Variants in KCNIP4 observed in about 807,000 individuals in gnomAD.
KCNIP4 encodes Kv channel-interacting protein 4.
A neutral mutation model predicts 34.0 loss-of-function variants in KCNIP4; 12 were observed. The observed-to-expected ratio is 0.35, with a 90% confidence interval of 0.23 to 0.57. The LOEUF is 0.57. Ranked by LOEUF, KCNIP4 falls within the 20% of genes least tolerant of loss-of-function variation. The pLI is 0.83. For missense variants in KCNIP4, 238 were observed against 311.7 expected (o/e 0.76, Z 1.78); for synonymous variants, 124 against 102.2 (o/e 1.21, Z -1.29).
At chr4:21,006,017 A>G (rs1163955798) in intron 1 of KCNIP4, among the ~76,000 whole-genome samples, 1 of 152,204 alleles carries the variant, frequency 6.6e-6, no homozygotes, top group East Asian at 1.9e-4. Flanking sequence ...AGAGCAATAG[A>G]GAGCCTTAAA....
At chr4:21,268,493 T>C (rs1208111156) in intron 1 of KCNIP4, among the ~76,000 whole-genome samples, 1 of 152,152 alleles carries the variant, frequency 6.6e-6, no homozygotes, top group Non-Finnish European at 1.5e-5. Context: ...GCTATTGATG[T>C]TTTCTAAAAT....
chr4:21,309,950 A>T (rs566627040), intron 1 of KCNIP4, among the ~76,000 whole-genome samples: 1 of 152,322 alleles, frequency 6.6e-6, no homozygotes, highest in Non-Finnish European at 1.5e-5. Context: ...TACTATGTAG[A>T]TACTAGGTGG....
intron 1 of KCNIP4, among the ~76,000 whole-genome samples, chr4:21,641,777 A>G (rs944717954): frequency 2.0e-5 from 3 of 152,198 alleles, no homozygotes; most frequent in Non-Finnish European, 4.4e-5. Context: ...CAAAGTGGAC[A>G]TTGTAGCAGG....
chr4:20,756,840 C>T (rs938138440), intron 4 of KCNIP4, among the ~76,000 whole-genome samples: 1 of 151,980 alleles, frequency 6.6e-6, no homozygotes, highest in African/African-American at 2.4e-5. Context: ...CTTTGTTGAT[C>T]CCTTTTCCTT....
At chr4:20,918,192 G>A (rs903999732) in intron 1 of KCNIP4, among the ~76,000 whole-genome samples, 4 of 151,840 alleles carry the variant, frequency 2.6e-5, no homozygotes, top group African/African-American at 7.3e-5. Context: ...CTGCTAAACC[G>A]TCAAGCAGAT....
intron 1 of KCNIP4, among the ~76,000 whole-genome samples, chr4:21,940,584 G>A (rs1370923087): frequency 3.9e-5 from 6 of 151,996 alleles, no homozygotes; most frequent in Non-Finnish European, 8.8e-5. Flanking sequence ...ATACTAAGTA[G>A]TTTCTTTGTA....
chr4:20,782,045 A>G (rs1387710335), intron 3 of KCNIP4, among the ~76,000 whole-genome samples: 6 of 152,160 alleles, frequency 3.9e-5, no homozygotes, highest in African/African-American at 1.4e-4. Context: ...GGCCCTTGCA[A>G]GTCCAAAATC....
chr4:21,110,023 C>G (rs11938045), intron 1 of KCNIP4, among the ~76,000 whole-genome samples: 21,231 of 152,130 alleles, frequency 0.14, 1,889 homozygotes, highest in African/African-American at 0.25. Context: ...GAACCCTCAT[C>G]AGGTCTTCTA....
At chr4:21,200,382 GTA>G (rs61298746) in intron 1 of KCNIP4, among the ~76,000 whole-genome samples, 9,384 of 54,362 alleles carry the variant, frequency 0.17, 1,154 homozygotes, top group African/African-American at 0.47. Flanking sequence ...ATATATGTGT[GTA>G]TATATATATA....
At chr4:20,826,888 CAGGGGCTA>C (rs1717831602) in intron 3 of KCNIP4, among the ~76,000 whole-genome samples, 1 of 152,128 alleles carries the variant, frequency 6.6e-6, no homozygotes, top group African/African-American at 2.4e-5. Context: ...TTATTTAATA[CAGGGGCTA>C]AAGAGAAGCC....
At chr4:21,271,371 C>G (rs1252572473) in intron 1 of KCNIP4, among the ~76,000 whole-genome samples, 1 of 152,154 alleles carries the variant, frequency 6.6e-6, no homozygotes, top group Admixed American at 6.5e-5. Flanking sequence ...TCAGTCTAGA[C>G]AAAGTAAAGA....
At chr4:21,821,331 A>T (rs1722342317) in intron 1 of KCNIP4, among the ~76,000 whole-genome samples, 1 of 152,142 alleles carries the variant, frequency 6.6e-6, no homozygotes, top group South Asian at 2.1e-4. Flanking sequence ...GGTGCCATTG[A>T]GGCCCAAAAG....
chr4:21,315,122 C>T (rs554848839), intron 1 of KCNIP4, among the ~76,000 whole-genome samples: 8 of 152,246 alleles, frequency 5.3e-5, no homozygotes, highest in Admixed American at 3.9e-4. Flanking sequence ...CTATACAACA[C>T]AGATAGTAGT....
At chr4:20,864,983 G>A (rs534766003) in intron 2 of KCNIP4, among the ~76,000 whole-genome samples, 2 of 152,180 alleles carry the variant, frequency 1.3e-5, no homozygotes, top group Admixed American at 1.3e-4. Context: ...TGGAGAAGGA[G>A]CATACACTGG....
chr4:20,863,855 A>G (rs1407646749), intron 2 of KCNIP4, among the ~76,000 whole-genome samples: 1 of 152,146 alleles, frequency 6.6e-6, no homozygotes, highest in Non-Finnish European at 1.5e-5. Context: ...CTTAGAAGTT[A>G]AAACGAAGGA....
At chr4:21,346,268 T>C (rs1262469139) in intron 1 of KCNIP4, among the ~76,000 whole-genome samples, 1 of 109,842 alleles carries the variant, frequency 9.1e-6, no homozygotes, top group Non-Finnish European at 1.7e-5. Flanking sequence ...TCTATATATA[T>C]AATATATAAT....
chr4:20,969,471 C>A (rs1049060166), intron 1 of KCNIP4, among the ~76,000 whole-genome samples: 3 of 151,916 alleles, frequency 2.0e-5, no homozygotes, highest in African/African-American at 7.3e-5. Context: ...CTGCAGTGAC[C>A]CAAACCCCCG....
At chr4:20,869,207 T>C (rs1723173508) in intron 2 of KCNIP4, among the ~76,000 whole-genome samples, 1 of 152,044 alleles carries the variant, frequency 6.6e-6, no homozygotes, top group Non-Finnish European at 1.5e-5. Context: ...GACAAAAGTA[T>C]TCTGCACTAA....
At chr4:21,723,000 T>C (rs1714930093) in intron 1 of KCNIP4, among the ~76,000 whole-genome samples, 1 of 152,108 alleles carries the variant, frequency 6.6e-6, no homozygotes, top group Non-Finnish European at 1.5e-5. Flanking sequence ...AAACAGAAGT[T>C]CCATAAGGAT....
Sources: allele counts gnomAD v4.1 joint callset (sites outside exome capture counted in the v4.1 genomes callset), GRCh38; gene constraint gnomAD v4.1.1; transcripts MANE v1.5; gene names NCBI Gene and HGNC (gene_info 2026-07-23, HGNC 2026-07-21).